Variants in RPS24 observed in about 807,000 individuals in gnomAD.
RPS24 encodes small ribosomal subunit protein eS24.
For missense variants in RPS24, 100 were observed against 162.5 expected (o/e 0.62, Z 2.09); for synonymous variants, 72 against 55.6 (o/e 1.30, Z -1.31).
chr10:78,040,887 A>G, downstream of RPS24: 1 of 583,122 alleles, frequency 1.7e-6, no homozygotes, highest in East Asian at 2.9e-5. Flanking sequence ...AAGCTTGTAA[A>G]TGCTGTGTTA....
At chr10:78,053,742 G>A (rs1169643623) in intron 4 of RPS24, among the ~76,000 whole-genome samples, 1 of 152,104 alleles carries the variant, frequency 6.6e-6, no homozygotes, top group African/African-American at 2.4e-5. Context: ...GTTGCTCACC[G>A]GATGAAGGGG....
chr10:78,039,333 C>T (rs1183819117), intron 4 of RPS24: 2 of 152,202 alleles, frequency 1.3e-5, no homozygotes, highest in Non-Finnish European at 1.5e-5. Flanking sequence ...CCTTTGAGCC[C>T]TATGAGTTAG....
At chr10:78,037,972 G>T in intron 4 of RPS24, 1 of 1,195,928 alleles carries the variant, frequency 8.4e-7, no homozygotes. Context: ...CAGAAATGAA[G>T]TGTCTAGCAG....
In RPS24 at chr10:78,033,922, C is replaced by G. The variant is rs781006502; in HGVS notation, c.3+18C>G. On this transcript the variant is annotated intron_variant, in intron 1 of 5. Coordinates refer to ENST00000372360, the MANE Select transcript of RPS24 (RefSeq NM_033022.4). Reference sequence around the variant, plus strand: ...CCATCATGGTGAGTCTCCCTGGGCCCGTGCAGTCATCTGCCGCGTATCCGA... The same window carrying G: ...CCATCATGGTGAGTCTCCCTGGGCCGGTGCAGTCATCTGCCGCGTATCCGA... 1.2e-6 allele frequency: 2 copies of G among 1,614,070 alleles called. No individual in the cohort carries two copies. Among genetic ancestry groups the G allele is most frequent in the East Asian group, 2.2e-5 (1 of 44,876 alleles).
intron 4 of RPS24, among the ~76,000 whole-genome samples, chr10:78,050,275 G>A (rs570478877): frequency 3.3e-5 from 5 of 152,212 alleles, no homozygotes; most frequent in African/African-American, 1.2e-4. Flanking sequence ...AGTTAGACCT[G>A]CATCCTCCTT....
chr10:78,055,427 A>G (rs1334567228), exon 5 of RPS24: 1 of 166,010 alleles, frequency 6.0e-6, no homozygotes, highest in African/African-American at 2.4e-5. Context: ...GCCCAGAACA[A>G]TGCCTTGGAC....
At chr10:78,038,935 T>TA (rs1847934517) in intron 4 of RPS24, 1 of 152,262 alleles carries the variant, frequency 6.6e-6, no homozygotes, top group East Asian at 1.9e-4. Context: ...CCCAGCCTGT[T>TA]ACCTCATTTA....
downstream of RPS24, among the ~76,000 whole-genome samples, chr10:78,042,587 T>G (rs1173177850): frequency 6.6e-6 from 1 of 152,198 alleles, no homozygotes; most frequent in African/African-American, 2.4e-5. Flanking sequence ...TCAGCAGGCT[T>G]TGGAAGAGCC....
exon 5 of RPS24, chr10:78,055,985 T>G (rs1848146464): frequency 6.6e-6 from 1 of 152,258 alleles, no homozygotes; most frequent in African/African-American, 2.4e-5. Flanking sequence ...ACTCCTGACC[T>G]CATGATCCAC....
exon 5 of RPS24, chr10:78,055,366 A>AT (rs5786317): frequency 0.64 from 114,003 of 178,526 alleles, 35,779 homozygotes; most frequent in African/African-American, 0.76. Flanking sequence ...GAAGTTAGAG[A>AT]TTTTTTTTTT....
Position 78,035,399 on chromosome 10 carries a change from A to G in RPS24, c.51A>G (p.Leu17=), listed in dbSNP as rs1847842128. ...CTAGAAAGTTCATGACCAACCGACT[A>G]CTTCAGAGGAAACAAATGGTAAGGA... is the stretch of plus-strand genomic sequence containing the variant. The part of the protein sequence containing the change: ...IRTRKFMTNR[L]LQRKQMVIDV... Residue 17 remains leucine, a synonymous_variant, in exon 2 of 6, where the codon CTA becomes CTG. Coordinates refer to ENST00000372360, the MANE Select transcript of RPS24 (RefSeq NM_033022.4). 1 of 1,614,154 alleles carries G rather than the reference A, an allele frequency of 6.2e-7. No individual in the cohort carries two copies. Among genetic ancestry groups the G allele is most frequent in the Non-Finnish European group, 8.5e-7 (1 of 1,179,992 alleles).
At chr10:78,046,868 G>C (rs1178792267) in intron 4 of RPS24, among the ~76,000 whole-genome samples, 1 of 152,206 alleles carries the variant, frequency 6.6e-6, no homozygotes, top group East Asian at 1.9e-4. Context: ...CGATTCTCCA[G>C]GTGTGGTCCT....
At chr10:78,040,030 C>A in intron 4 of RPS24, 174 bp from the exon 5 acceptor site, 1 of 700,964 alleles carries the variant, frequency 1.4e-6, no homozygotes, top group Non-Finnish European at 2.6e-6. Flanking sequence ...GGAATAAAAT[C>A]AGTGAGTCTG....
At position 78,035,595 on chromosome 10, in the gene RPS24, C is replaced by G; in HGVS notation, c.154C>G (p.Pro52Ala). The G allele has an allele frequency of 6.2e-7, 1 of 1,613,536 alleles. No homozygotes were observed. The highest frequency in any genetic ancestry group is 1.1e-5 in the South Asian group (1 of 91,086). The change falls in exon 3 of 6, where the codon CCG becomes GCG. Residue 52 changes from proline (P) to alanine (A), a missense_variant. By Grantham distance (27) the Pro-to-Ala change is conservative. Transcript: ENST00000372360. ...ACTAGCCAAAATGTACAAGACCACA[C>G]CGGATGTCATCTTTGTATTTGGATT... ...EKLAKMYKTT[P>A]DVIFVFGFRT...
chr10:78,048,700 C>T (rs1379255765), intron 4 of RPS24, among the ~76,000 whole-genome samples: 1 of 151,922 alleles, frequency 6.6e-6, no homozygotes, highest in African/African-American at 2.4e-5. Flanking sequence ...TATGGTGAAA[C>T]CCCGTCTCTA....
chr10:78,056,739 C>T (rs7092702), exon 5 of RPS24: 9,427 of 152,288 alleles, frequency 0.062, 995 homozygotes, highest in African/African-American at 0.21. Context: ...GAGTCTTGCT[C>T]AAGCCTCCCT....
chr10:78,035,918 C>T (rs1355029536), intron 3 of RPS24, 198 bp downstream of exon 3: 1 of 592,944 alleles, frequency 1.7e-6, no homozygotes, highest in Non-Finnish European at 3.0e-6. Flanking sequence ...GAGCTGAGTT[C>T]AGAAGGGCAG....
chr10:78,052,321 C>T lies in RPS24; in HGVS notation c.391-2210C>T, dbSNP rs569003773. On this transcript the variant is annotated intron_variant, in intron 4 of 4. Transcript: ENST00000440692. Reference sequence around the variant, plus strand: ...GATTACAGGTGACCGCCACCACCCCCGGCTTAGTTCTTGGTTTTTCTGTCC... The same window carrying T: ...GATTACAGGTGACCGCCACCACCCCTGGCTTAGTTCTTGGTTTTTCTGTCC... Among the ~76,000 whole-genome samples, 57 of 152,230 alleles carry T rather than the reference C, an allele frequency of 3.7e-4. 2 individuals carry two copies. In the South Asian group the frequency reaches 0.011, roughly 30 times the overall value.
At chr10:78,044,508 T>A (rs544586469), downstream of RPS24, among the ~76,000 whole-genome samples, 2 of 152,150 alleles carry the variant, frequency 1.3e-5, no homozygotes, top group Non-Finnish European at 2.9e-5. Flanking sequence ...GGTTGGCTGC[T>A]AGAGCACAGA....
Sources: allele counts gnomAD v4.1 joint callset (sites outside exome capture counted in the v4.1 genomes callset), GRCh38; gene constraint gnomAD v4.1.1; transcripts MANE v1.5; gene names NCBI Gene and HGNC (gene_info 2026-07-23, HGNC 2026-07-21).